Variants in NTAQ1 observed in about 807,000 individuals in gnomAD.
NTAQ1 encodes the protein protein N-terminal glutamine amidohydrolase.
NTAQ1 carries 21 observed loss-of-function variants against 28.2 expected under a neutral mutation model. The ratio of observed to expected loss-of-function variants is 0.74; its 90% CI spans 0.53 to 1.07. The LOEUF (loss-of-function observed/expected upper bound fraction) is 1.07. NTAQ1 is among the 50% of genes least tolerant of loss of function. NTAQ1 has a pLI of 0.00. For synonymous variants in NTAQ1, 105 were observed against 90.0 expected (o/e 1.17, Z -0.94); for missense variants, 264 against 256.6 (o/e 1.03, Z -0.20).
intron 6 of NTAQ1, among the ~76,000 whole-genome samples, chr8:123,465,944 A>G (rs376038134): frequency 5.9e-5 from 9 of 152,098 alleles, no homozygotes; most frequent in South Asian, 2.1e-4. Flanking sequence ...TTCTTTCTCT[A>G]TAACTTAGAG....
intron 1 of NTAQ1, among the ~76,000 whole-genome samples, chr8:123,423,957 A>G: frequency 6.7e-6 from 1 of 150,352 alleles, no homozygotes; most frequent in East Asian, 1.9e-4. Flanking sequence ...ATCTTGGCTT[A>G]TTACAACCTC....
Position 123,441,533 on chromosome 8 carries a change from A to G in NTAQ1, c.*118A>G. ...CTTGGAATTATGTCTTTCTCTTTTA[A>G]TTTGATTGAGTGGAAATCTGAGTGA... On this transcript the variant is annotated 3_prime_UTR_variant, in exon 6 of 6. Transcript: ENST00000287387. The G allele has an allele frequency of 1.2e-6, 1 of 808,634 alleles. No homozygotes were observed. Among genetic ancestry groups the G allele is most frequent in the South Asian group, 1.8e-5 (1 of 55,636 alleles). 50.1% of individuals were successfully genotyped at this position (808,634 alleles called of 1,614,324 possible). A position where few individuals can be genotyped will look rare whatever the true frequency, so the allele number is the denominator to read the frequency against.
At chr8:123,431,264 GA>G (rs1306081204) in intron 3 of NTAQ1, among the ~76,000 whole-genome samples, 1 of 151,400 alleles carries the variant, frequency 6.6e-6, no homozygotes, top group African/African-American at 2.4e-5. Flanking sequence ...TTGAACCTGG[GA>G]GGCAGAGGTT....
intron 6 of NTAQ1, among the ~76,000 whole-genome samples, chr8:123,463,900 G>C (rs1029407381): frequency 2.0e-5 from 3 of 152,112 alleles, no homozygotes; most frequent in African/African-American, 7.2e-5. Context: ...GAGGGACCTG[G>C]TGGGAGGTAA....
At chr8:123,425,394 G>A (rs1208956485) in intron 1 of NTAQ1, among the ~76,000 whole-genome samples, 1 of 151,612 alleles carries the variant, frequency 6.6e-6, no homozygotes, top group Non-Finnish European at 1.5e-5. Flanking sequence ...GCCCGGCCCA[G>A]TCAGTAAATT....
chr8:123,422,606 G>GTTTTTTTTTT (rs112284256), intron 1 of NTAQ1, among the ~76,000 whole-genome samples: 1 of 134,420 alleles, frequency 7.4e-6, no homozygotes, highest in Non-Finnish European at 1.6e-5. Context: ...TCCATTGATA[G>GTTTTTTTTTT]TTTTTTTTTT....
downstream of NTAQ1, among the ~76,000 whole-genome samples, chr8:123,445,868 A>T (rs1815260007): frequency 6.6e-6 from 1 of 151,858 alleles, no homozygotes; most frequent in Admixed American, 6.6e-5. Context: ...AGCCTCCCAA[A>T]GTGCTGGGAT....
At position 123,418,943 on chromosome 8, in the gene NTAQ1, A is replaced by G. The variant is rs187358923; in HGVS notation, c.83+2011A>G. On this transcript the variant is annotated intron_variant, in intron 1 of 5. Coordinates refer to ENST00000287387, the MANE Select transcript of NTAQ1 (RefSeq NM_018024.3). The stretch of plus-strand genomic sequence containing the variant: ...CACCCTAGCCCTAGTTATGACAACC[A>G]AAAATGTCTCCAGACATTGCTAAGT... 1.3e-3 allele frequency among the ~76,000 whole-genome samples: 194 copies of G among 152,348 alleles called. 2 individuals are homozygous for G. Among genetic ancestry groups the G allele is most frequent in the Non-Finnish European group, 1.0e-4 (7 of 68,030 alleles).
At chr8:123,475,288 C>T in the NTAQ1 span, among the ~76,000 whole-genome samples, 1 of 152,044 alleles carries the variant, frequency 6.6e-6, no homozygotes, top group Non-Finnish European at 1.5e-5. Flanking sequence ...TTAATCTAGG[C>T]TCATCTTGTA....
At chr8:123,430,887 C>T (rs1300734272) in intron 3 of NTAQ1, among the ~76,000 whole-genome samples, 4 of 152,110 alleles carry the variant, frequency 2.6e-5, no homozygotes, top group South Asian at 4.1e-4. Context: ...TTGAAAAATA[C>T]GGATCTACTC....
chr8:123,449,915 G>A (rs1325808285), downstream of NTAQ1, among the ~76,000 whole-genome samples: 2 of 87,204 alleles, frequency 2.3e-5, no homozygotes, highest in African/African-American at 8.4e-5. Flanking sequence ...GTATATATGT[G>A]TGTGTATATA....
At position 123,437,222 on chromosome 8, in the gene NTAQ1, G is replaced by C; in HGVS notation, c.396G>C (p.Val132=). The C allele has an allele frequency of 6.2e-7, 1 of 1,614,018 alleles. No homozygotes were observed. Among genetic ancestry groups the C allele is most frequent in the Non-Finnish European group, 8.5e-7 (1 of 1,179,964 alleles). ...GATTTTTCTGCAGGAAATTTAGAGT[G>C]ATCCGTGCAGATTCATATTTGAAGA... ...IHPQFRRKFR[V]IRADSYLKNF... The change falls in exon 5 of 6, where the codon GTG becomes GTC. Residue 132 remains valine (V), a synonymous_variant. Transcript: ENST00000287387.
chr8:123,427,308 G>C (rs925028733), intron 1 of NTAQ1, among the ~76,000 whole-genome samples: 4 of 133,444 alleles, frequency 3.0e-5, no homozygotes, highest in African/African-American at 1.1e-4. Flanking sequence ...CTAGAGTGCA[G>C]TGGTGTGATC....
exon 7 of NTAQ1, among the ~76,000 whole-genome samples, chr8:123,469,254 T>G (rs1050418479): frequency 6.6e-6 from 1 of 152,240 alleles, no homozygotes; most frequent in Non-Finnish European, 1.5e-5. Context: ...TTTTGCTTTT[T>G]GTTGCCTATG....
intron 6 of NTAQ1, among the ~76,000 whole-genome samples, chr8:123,447,591 C>G (rs1815337386): frequency 6.6e-6 from 1 of 152,074 alleles, no homozygotes; most frequent in Non-Finnish European, 1.5e-5. Flanking sequence ...AGTCACTAGC[C>G]AGTAAGTAGT....
chr8:123,458,762 A>T (rs1815730685), intron 6 of NTAQ1, among the ~76,000 whole-genome samples: 1 of 151,432 alleles, frequency 6.6e-6, no homozygotes. Context: ...CTGGGACTAC[A>T]GGCGCCCGCC....
downstream of NTAQ1, among the ~76,000 whole-genome samples, chr8:123,448,744 G>A (rs544096222): frequency 9.1e-4 from 139 of 152,310 alleles, no homozygotes; most frequent in African/African-American, 3.1e-3. Flanking sequence ...GAACACAGAC[G>A]TCTATCCAGT....
At chr8:123,449,217 G>A (rs1815393483), downstream of NTAQ1, among the ~76,000 whole-genome samples, 1 of 152,212 alleles carries the variant, frequency 6.6e-6, no homozygotes, top group Non-Finnish European at 1.5e-5. Context: ...ACCATGACCA[G>A]TGGCTGGCTC....
chr8:123,418,874 A>C (rs547914902), intron 1 of NTAQ1, among the ~76,000 whole-genome samples: 96 of 152,262 alleles, frequency 6.3e-4, no homozygotes, highest in African/African-American at 2.3e-3. Context: ...GTATTGCAGG[A>C]CGTGTAGCAG....
Sources: allele counts gnomAD v4.1 joint callset (sites outside exome capture counted in the v4.1 genomes callset), GRCh38; gene constraint gnomAD v4.1.1; transcripts MANE v1.5; gene names NCBI Gene and HGNC (gene_info 2026-07-23, HGNC 2026-07-21).